Variants in SETBP1 observed in about 807,000 individuals in gnomAD.
SETBP1 encodes SET binding protein 1, also known as SET-binding protein.
A neutral mutation model predicts 101.0 loss-of-function variants in SETBP1; 9 were observed. The ratio of observed to expected loss-of-function variants is 0.09; its 90% CI spans 0.05 to 0.16. The LOEUF is 0.16. Among genes scored for constraint, SETBP1 ranks in the 10% least tolerant of loss-of-function variants. The pLI is 1.00. For missense variants in SETBP1, 1,858 were observed against 2,033.8 expected, an observed-to-expected ratio of 0.91 and a Z score of 1.66; for synonymous variants, 818 against 788.5, an observed-to-expected ratio of 1.04 and a Z score of -0.63.
intron 2 of SETBP1, among the ~76,000 whole-genome samples, chr18:44,795,446 C>T (rs757111060): frequency 2.6e-5 from 4 of 152,120 alleles, no homozygotes; most frequent in South Asian, 2.1e-4. Flanking sequence ...AGTGATTGAG[C>T]GGTTTTAGAT....
chr18:44,746,484 G>A (rs2070250142), intron 2 of SETBP1, among the ~76,000 whole-genome samples: 1 of 152,176 alleles, frequency 6.6e-6, no homozygotes, highest in African/African-American at 2.4e-5. Flanking sequence ...TTTTAAGGGG[G>A]AGGTGGTAAG....
chr18:44,943,429 T>C (rs1327594120), intron 3 of SETBP1, among the ~76,000 whole-genome samples: 1 of 152,238 alleles, frequency 6.6e-6, no homozygotes, highest in African/African-American at 2.4e-5. Context: ...GAACATCTCT[T>C]GATAATATCA....
intron 2 of SETBP1, among the ~76,000 whole-genome samples, chr18:44,766,438 A>T (rs1251008498): frequency 1.3e-5 from 2 of 152,250 alleles, no homozygotes; most frequent in Non-Finnish European, 2.9e-5. Flanking sequence ...AAGTGAAATG[A>T]GAACAAAAGA....
chr18:44,823,352 C>A (rs1232623093), intron 2 of SETBP1, among the ~76,000 whole-genome samples: 1 of 152,202 alleles, frequency 6.6e-6, no homozygotes, highest in Non-Finnish European at 1.5e-5. Context: ...TTTCATCCAT[C>A]TGAAGGAAAA....
At chr18:44,758,575 G>A (rs2070559197) in intron 2 of SETBP1, among the ~76,000 whole-genome samples, 1 of 151,896 alleles carries the variant, frequency 6.6e-6, no homozygotes, top group Non-Finnish European at 1.5e-5. Context: ...GTAAAGAGGG[G>A]GTTTCACTGT....
intron 2 of SETBP1, among the ~76,000 whole-genome samples, chr18:44,808,694 C>T (rs754474703): frequency 1.3e-5 from 2 of 152,188 alleles, no homozygotes; most frequent in Non-Finnish European, 2.9e-5. Context: ...CCTTCCAGAG[C>T]TTGTTTCCCC....
intron 4 of SETBP1, among the ~76,000 whole-genome samples, chr18:44,978,501 A>G (rs2072040543): frequency 6.6e-6 from 1 of 152,174 alleles, no homozygotes; most frequent in African/African-American, 2.4e-5. Context: ...GTATTAACTT[A>G]TACTCACCTG....
intron 3 of SETBP1, among the ~76,000 whole-genome samples, chr18:44,875,074 G>C (rs750211671): frequency 2.6e-5 from 4 of 152,120 alleles, no homozygotes; most frequent in Admixed American, 2.6e-4. Flanking sequence ...AGAGTCTTCC[G>C]ACAGCTCTTT....
intron 3 of SETBP1, among the ~76,000 whole-genome samples, chr18:44,894,196 T>C (rs886381040): frequency 6.6e-6 from 1 of 152,204 alleles, no homozygotes; most frequent in African/African-American, 2.4e-5. Context: ...TCTCTCCAAG[T>C]TGTTCGCCAG....
chr18:45,002,990 T>G (rs2145340580), intron 4 of SETBP1, among the ~76,000 whole-genome samples: 1 of 152,336 alleles, frequency 6.6e-6, no homozygotes, highest in Middle Eastern at 3.4e-3. Context: ...AAACTAGTAA[T>G]TAGATTGATC....
intron 4 of SETBP1, among the ~76,000 whole-genome samples, chr18:45,030,622 C>T (rs1456960277): frequency 1.3e-5 from 2 of 150,288 alleles, no homozygotes; most frequent in Non-Finnish European, 2.9e-5. Flanking sequence ...TGGAATTCAG[C>T]TGTGAATCCA....
chr18:44,697,217 G>A (rs1480266010), intron 1 of SETBP1: 1 of 152,268 alleles, frequency 6.6e-6, no homozygotes, highest in Admixed American at 6.5e-5. Context: ...TGAATCACAA[G>A]AGGACTCGCA....
At chr18:44,973,498 G>C (rs1450474262) in intron 4 of SETBP1, among the ~76,000 whole-genome samples, 1 of 152,186 alleles carries the variant, frequency 6.6e-6, no homozygotes, top group Non-Finnish European at 1.5e-5. Context: ...CCAAGTGAGA[G>C]AGATGCTCTT....
intron 2 of SETBP1, among the ~76,000 whole-genome samples, chr18:44,868,247 A>C (rs192506772): frequency 5.9e-5 from 9 of 152,352 alleles, no homozygotes; most frequent in Middle Eastern, 6.8e-3. Context: ...GATTGTTTGA[A>C]GTATAAATGA....
chr18:44,913,466 A>G (rs2070358752), intron 3 of SETBP1, among the ~76,000 whole-genome samples: 1 of 152,222 alleles, frequency 6.6e-6, no homozygotes, highest in Admixed American at 6.5e-5. Context: ...GAAAGCAGAG[A>G]CATGCATAGA....
At chr18:44,901,642 T>G (rs1172540272) in intron 3 of SETBP1, among the ~76,000 whole-genome samples, 1 of 152,166 alleles carries the variant, frequency 6.6e-6, no homozygotes, top group Non-Finnish European at 1.5e-5. Flanking sequence ...TCCTAGTGAT[T>G]TGATTTATTC....
At chr18:44,782,789 C>A (rs1230489245) in intron 2 of SETBP1, among the ~76,000 whole-genome samples, 1 of 152,122 alleles carries the variant, frequency 6.6e-6, no homozygotes, top group East Asian at 1.9e-4. Flanking sequence ...GGGCATACAC[C>A]ACTAACTGGT....
At chr18:45,033,721 C>T (rs1034728882) in intron 4 of SETBP1, among the ~76,000 whole-genome samples, 3 of 152,240 alleles carry the variant, frequency 2.0e-5, no homozygotes, top group African/African-American at 7.2e-5. Flanking sequence ...CTGTGCTCTG[C>T]AGCGGATGTT....
chr18:44,852,901 C>T (rs769344434), intron 2 of SETBP1, among the ~76,000 whole-genome samples: 9 of 152,110 alleles, frequency 5.9e-5, no homozygotes, highest in Non-Finnish European at 1.2e-4. Flanking sequence ...ACAGACTGAA[C>T]CACTCAAGGG....
Sources: gnomAD v4.1 joint callset for allele counts (sites outside exome capture counted in the v4.1 genomes callset) on GRCh38, gnomAD v4.1.1 for gene constraint, MANE v1.5 for transcripts, NCBI Gene and HGNC (gene_info 2026-07-23, HGNC 2026-07-21) for gene names.